Variants in THSD7B observed in about 807,000 individuals in gnomAD.
THSD7B encodes the protein thrombospondin type-1 domain-containing protein 7B.
THSD7B carries 138 observed loss-of-function variants against 213.6 expected under a neutral mutation model. The observed-to-expected ratio is 0.65, with a 90% confidence interval of 0.56 to 0.74. The LOEUF is 0.74. THSD7B is among the 30% of genes least tolerant of loss of function. The pLI is 0.00. For missense variants in THSD7B, 1,931 were observed against 1,991.5 expected, an observed-to-expected ratio of 0.97 and a Z score of 0.58; for synonymous variants, 742 against 687.0, an observed-to-expected ratio of 1.08 and a Z score of -1.25.
At chr2:137,620,245 T>C (rs352180) in intron 19 of THSD7B, among the ~76,000 whole-genome samples, 58,498 of 152,110 alleles carry the variant, frequency 0.38, 13,281 homozygotes, top group African/African-American at 0.64. Flanking sequence ...TGGCCCTCCA[T>C]GTACTTTTGG....
intron 15 of THSD7B, among the ~76,000 whole-genome samples, chr2:137,490,753 T>A (rs1688586146): frequency 6.6e-6 from 1 of 152,224 alleles, no homozygotes; most frequent in Non-Finnish European, 1.5e-5. Flanking sequence ...TGAAAGTTTA[T>A]CCTACTAGGG....
chr2:137,111,376 T>C (rs1297354106), intron 4 of THSD7B, among the ~76,000 whole-genome samples: 1 of 152,190 alleles, frequency 6.6e-6, no homozygotes, highest in African/African-American at 2.4e-5. Flanking sequence ...CTTTCTGGAC[T>C]ATCTGATTGA....
At chr2:137,153,063 A>G (rs1351400499) in intron 5 of THSD7B, among the ~76,000 whole-genome samples, 1 of 152,204 alleles carries the variant, frequency 6.6e-6, no homozygotes. Flanking sequence ...TAATCAGAAA[A>G]TAAGTTTCAA....
intron 2 of THSD7B, among the ~76,000 whole-genome samples, chr2:136,960,817 C>G (rs1489181479): frequency 1.3e-5 from 2 of 150,664 alleles, no homozygotes; most frequent in East Asian, 4.0e-4. Context: ...GGGCCGGGCG[C>G]AGTGGCTCAG....
chr2:137,101,283 C>T (rs1573823147), intron 4 of THSD7B, among the ~76,000 whole-genome samples: 1 of 152,128 alleles, frequency 6.6e-6, no homozygotes, highest in East Asian at 1.9e-4. Flanking sequence ...CTCAAGTGAT[C>T]CACAGGCCTT....
chr2:137,151,196 A>T lies in THSD7B; in HGVS notation c.1370-9017A>T, dbSNP rs187869122. Among the ~76,000 whole-genome samples, 335 of 152,304 alleles carry T rather than the reference A, an allele frequency of 2.2e-3. 4 individuals carry two copies. Among genetic ancestry groups the T allele is most frequent in the African/African-American group, 7.6e-3 (315 of 41,578 alleles). On this transcript the variant is annotated intron_variant, in intron 5 of 27. Coordinates refer to ENST00000409968, the MANE Select transcript of THSD7B (RefSeq NM_001316349.2). ...GTACTTCATAAACTTCTCAATTTTT[A>T]AAAACTTTTAACTCTTTTGTTATTA... is the stretch of plus-strand genomic sequence containing the variant.
chr2:136,822,467 A>G (rs1355736293), intron 1 of THSD7B, among the ~76,000 whole-genome samples: 1 of 152,140 alleles, frequency 6.6e-6, no homozygotes, highest in Admixed American at 6.5e-5. Flanking sequence ...CACCTTAAAC[A>G]CTTAGAGCTT....
chr2:137,351,011 T>C (rs1234927006), intron 12 of THSD7B, among the ~76,000 whole-genome samples: 2 of 147,832 alleles, frequency 1.4e-5, no homozygotes, highest in Admixed American at 1.3e-4. Context: ...TGGAGATCTC[T>C]GGTAGACAAC....
rs1459956009 is a variant in THSD7B at position 137,400,712 on chromosome 2, C to G, written c.2501-4901C>G. ...GGCTGGCCTCCAGACCAGTAGGTGG[C>G]TTTTGCAGGTTAGAGCCAGCTGCAG... On this transcript the variant is annotated intron_variant, in intron 12 of 27. Coordinates refer to ENST00000409968, the MANE Select transcript of THSD7B (RefSeq NM_001316349.2). Among the ~76,000 whole-genome samples the G allele has an allele frequency of 3.3e-5, 5 of 152,302 alleles. No homozygotes were observed. In the East Asian group the frequency reaches 9.6e-4, roughly 29 times the overall value.
rs78330534 is a variant in THSD7B at position 137,190,196 on chromosome 2, A to G, written c.1723+19258A>G. Among the ~76,000 whole-genome samples the G allele has an allele frequency of 2.0e-3, 312 of 152,318 alleles. 2 individuals are homozygous for G. The highest frequency in any genetic ancestry group is 7.2e-3 in the African/African-American group (298 of 41,568). ...TATTGTCTCCTATTTCTCATAGGCAATAGCATGGAGATGATTTTTTGAACT... is the reference window on the plus strand; with the variant it reads ...TATTGTCTCCTATTTCTCATAGGCAGTAGCATGGAGATGATTTTTTGAACT... On this transcript the variant is annotated intron_variant, in intron 7 of 27. Coordinates refer to ENST00000409968, the MANE Select transcript of THSD7B (RefSeq NM_001316349.2).
At chr2:136,976,655 A>G (rs1026991918) in intron 2 of THSD7B, among the ~76,000 whole-genome samples, 3 of 150,108 alleles carry the variant, frequency 2.0e-5, no homozygotes, top group African/African-American at 7.4e-5. Context: ...TTTTTTTGAG[A>G]TGGAGTCTCG....
intron 7 of THSD7B, among the ~76,000 whole-genome samples, chr2:137,190,053 G>C (rs1284328574): frequency 6.6e-6 from 1 of 152,234 alleles, no homozygotes; most frequent in South Asian, 2.1e-4. Flanking sequence ...AGCCAGTCCA[G>C]GTTGCCAGGA....
intron 12 of THSD7B, among the ~76,000 whole-genome samples, chr2:137,334,466 G>T (rs764105279): frequency 1.9e-4 from 29 of 152,178 alleles, no homozygotes; most frequent in Non-Finnish European, 3.7e-4. Flanking sequence ...AATCCTTTCT[G>T]TCACCTCATG....
intron 27 of THSD7B, among the ~76,000 whole-genome samples, chr2:137,670,911 A>T: frequency 8.3e-6 from 1 of 120,808 alleles, no homozygotes; most frequent in Admixed American, 1.0e-4. Flanking sequence ...ACAGAGTGAG[A>T]CTCCGCCTCA....
intron 12 of THSD7B, among the ~76,000 whole-genome samples, chr2:137,289,987 G>A (rs537087881): frequency 1.3e-5 from 2 of 151,904 alleles, no homozygotes; most frequent in Non-Finnish European, 2.9e-5. Flanking sequence ...AGGGCAATGT[G>A]GAAGAAAGAT....
At chr2:136,766,355 A>T (rs1426570251) in intron 1 of THSD7B, among the ~76,000 whole-genome samples, 1 of 150,462 alleles carries the variant, frequency 6.6e-6, no homozygotes, top group Non-Finnish European at 1.5e-5. Flanking sequence ...CTCGGACGTG[A>T]TATCCTGCTG....
intron 2 of THSD7B, among the ~76,000 whole-genome samples, chr2:136,979,234 T>A (rs545725973): frequency 1.3e-5 from 2 of 151,508 alleles, no homozygotes; most frequent in South Asian, 2.1e-4. Context: ...TTTTTTTTTT[T>A]ATTTCAACCT....
At chr2:137,015,766 CT>C (rs1224897171) in intron 2 of THSD7B, among the ~76,000 whole-genome samples, 6 of 152,116 alleles carry the variant, frequency 3.9e-5, no homozygotes, top group Non-Finnish European at 7.4e-5. Context: ...TTATCGCCTG[CT>C]TTTCTGGCTA....
chr2:137,306,226 T>C (rs982041558), intron 12 of THSD7B, among the ~76,000 whole-genome samples: 12 of 152,116 alleles, frequency 7.9e-5, no homozygotes, highest in African/African-American at 2.9e-4. Context: ...TGCTAGGTGA[T>C]AGGAATTTTT....
Sources: allele counts gnomAD v4.1 joint callset (sites outside exome capture counted in the v4.1 genomes callset), GRCh38; gene constraint gnomAD v4.1.1; transcripts MANE v1.5; gene names NCBI Gene and HGNC (gene_info 2026-07-23, HGNC 2026-07-21).